NARF: variants seen among roughly 807,000 people sequenced by gnomAD.
NARF encodes the protein iron-only hydrogenase-like protein 2.
A neutral mutation model predicts 48.0 loss-of-function variants in NARF; 41 were observed. The observed-to-expected ratio is 0.85, with a 90% CI of 0.66 to 1.11. The LOEUF (loss-of-function observed/expected upper bound fraction) is 1.11. Ranked by LOEUF, NARF falls within the 50% of genes least tolerant of loss-of-function variation. NARF has a pLI of 0.00. For missense variants in NARF, 613 were observed against 590.2 expected (o/e 1.04, Z -0.40); for synonymous variants, 215 against 225.5 (o/e 0.95, Z 0.42).
At chr17:82,476,297 A>G (rs2043829951) in intron 5 of NARF, among the ~76,000 whole-genome samples, 3 of 151,952 alleles carry the variant, frequency 2.0e-5, no homozygotes, top group Admixed American at 6.6e-5. Context: ...ACTTGCCACC[A>G]TGCCCGGCTA....
At position 82,488,458 on chromosome 17, in the gene NARF, C is replaced by G. The variant is rs2044147272; in HGVS notation, c.*301C>G. On this transcript the variant is annotated 3_prime_UTR_variant, in exon 11 of 11. Transcript: ENST00000309794. ...TGGCGCAATCTCAGCTCACTGCAACCTCTGCCTCCCGGGTTCAAGCGATTC... is the reference window on the plus strand; with the variant it reads ...TGGCGCAATCTCAGCTCACTGCAACGTCTGCCTCCCGGGTTCAAGCGATTC... The G allele has an allele frequency of 3.5e-6, 1 of 283,848 alleles. No individual in the cohort carries two copies. The highest frequency in any genetic ancestry group is 6.7e-6 in the Non-Finnish European group (1 of 149,538). The allele number at this position is 283,848 out of a possible 1,614,324, so 17.6% of individuals were successfully genotyped here.
intron 3 of NARF, among the ~76,000 whole-genome samples, chr17:82,467,187 C>A (rs550345313): frequency 6.6e-6 from 1 of 151,994 alleles, no homozygotes; most frequent in African/African-American, 2.4e-5. Flanking sequence ...TCTGGGATTA[C>A]AGGTGCACAC....
intron 6 of NARF, among the ~76,000 whole-genome samples, chr17:82,479,641 T>G (rs1397891398): frequency 1.3e-5 from 2 of 152,134 alleles, no homozygotes; most frequent in African/African-American, 4.8e-5. Context: ...TACACCTCCC[T>G]CCGGGGAAGC....
Position 82,464,901 on chromosome 17 carries a change from C to G in NARF, c.252+471C>G, listed in dbSNP as rs566785869. On this transcript the variant is annotated intron_variant, in intron 3 of 10. Coordinates refer to ENST00000309794, the MANE Select transcript of NARF (RefSeq NM_012336.4). The stretch of plus-strand genomic sequence containing the variant: ...CCTTCAGCTCATCCCTGCAGACCTC[C>G]TATACAGAACGAGAGGTGCCACTTG... Among the ~76,000 whole-genome samples, 3 of 152,346 alleles carry G rather than the reference C, an allele frequency of 2.0e-5. No homozygotes were observed. The East Asian group carries it at 5.8e-4, about 29-fold the overall frequency.
rs142348233 is a variant in NARF at position 82,479,734 on chromosome 17, C to T, written c.639+816C>T. Among the ~76,000 whole-genome samples the T allele has an allele frequency of 1.6e-4, 25 of 152,324 alleles. No homozygotes were observed. The East Asian group carries it at 4.6e-3, about 28-fold the overall frequency. Reference sequence around the variant, plus strand: ...CATTTGAAGTCAGCCTAAAAAGGCACGCACATTTGGCAGCCTTGTTATTTT... The same window carrying T: ...CATTTGAAGTCAGCCTAAAAAGGCATGCACATTTGGCAGCCTTGTTATTTT... On this transcript the variant is annotated intron_variant, in intron 6 of 10. Transcript: ENST00000309794.
chr17:82,458,755 G>C lies in NARF; in HGVS notation c.-49G>C. 4.1e-6 allele frequency: 6 copies of C among 1,478,372 alleles called. No homozygotes were observed. The highest frequency in any genetic ancestry group is 5.4e-6 in the Non-Finnish European group (6 of 1,120,802). 91.6% of individuals were successfully genotyped at this position (1,478,372 alleles called of 1,614,324 possible). A position where few individuals can be genotyped will look rare whatever the true frequency, so the allele number is the denominator to read the frequency against. ...CGGGCAGTGGTGTCCCAGTCTCCCG[G>C]TGCTTCCCTGAGGCTGAGGCGCCCG... is the stretch of plus-strand genomic sequence containing the variant. On this transcript the variant is annotated 5_prime_UTR_variant, in exon 1 of 11. Coordinates refer to ENST00000309794, the MANE Select transcript of NARF (RefSeq NM_012336.4).
intron 3 of NARF, among the ~76,000 whole-genome samples, chr17:82,467,267 G>A (rs1050986425): frequency 2.6e-5 from 4 of 151,698 alleles, no homozygotes; most frequent in Non-Finnish European, 4.4e-5. Context: ...GGCTGGTCTC[G>A]AGCTCCTGAC....
intron 2 of NARF, chr17:82,462,690 AG>A (rs1260705524): frequency 6.6e-6 from 1 of 152,452 alleles, no homozygotes; most frequent in East Asian, 1.9e-4. Flanking sequence ...GCCTGATAAA[AG>A]GGAACAGGAC....
At position 82,459,995 on chromosome 17, in the gene NARF, TGTA is replaced by T; in HGVS notation, c.35_37del (p.Ser12del). On this transcript the variant is annotated inframe_deletion, in exon 2 of 11. Transcript: ENST00000309794. ...AATGTTCCTTTGCTTTTTTAAGGAA[TGTA>T]GTAAGAAAACAAAAACTGATGACCA... The T allele has an allele frequency of 6.2e-7, 1 of 1,613,160 alleles. No homozygotes were observed. The highest frequency in any genetic ancestry group is 8.5e-7 in the Non-Finnish European group (1 of 1,179,394).
chr17:82,458,528 G>GCTCC (rs1312006571), upstream of NARF: 4 of 400,472 alleles, frequency 1.0e-5, no homozygotes, highest in Non-Finnish European at 1.8e-5. Context: ...GTGAGCCTGC[G>GCTCC]GTCCGCCCCG....
At chr17:82,469,247 G>A (rs973057902) in intron 4 of NARF, among the ~76,000 whole-genome samples, 2 of 152,206 alleles carry the variant, frequency 1.3e-5, no homozygotes, top group African/African-American at 4.8e-5. Flanking sequence ...CAGAGGGTGT[G>A]CATTTGATAA....
chr17:82,485,751 A>G, intron 10 of NARF, 97 bp downstream of exon 10: 1 of 1,430,526 alleles, frequency 7.0e-7, no homozygotes, highest in Non-Finnish European at 9.6e-7. Flanking sequence ...TTGGCCACCC[A>G]GAGCCTCTCT....
intron 9 of NARF, 86 bp downstream of exon 9, chr17:82,485,036 T>G: frequency 5.5e-6 from 8 of 1,442,812 alleles, no homozygotes; most frequent in Non-Finnish European, 7.4e-6. Flanking sequence ...ATGTGGCGGT[T>G]CTATGGATGG....
chr17:82,458,769 C>A lies in NARF; in HGVS notation c.-35C>A. On this transcript the variant is annotated 5_prime_UTR_variant, in exon 1 of 11. The change creates a new upstream start codon in the 5' untranslated region. Coordinates refer to ENST00000309794, the MANE Select transcript of NARF (RefSeq NM_012336.4). ...CCAGTCTCCCGGTGCTTCCCTGAGG[C>A]TGAGGCGCCCGGCCTCCCGCCCGCC... 2.0e-6 allele frequency: 3 copies of A among 1,469,270 alleles called. No individual in the cohort carries two copies. Among genetic ancestry groups the A allele is most frequent in the Admixed American group, 5.3e-5 (2 of 37,704 alleles). The allele number at this position is 1,469,270 out of a possible 1,614,324, so 91.0% of individuals were successfully genotyped here.
At chr17:82,477,729 G>A (rs1248873097) in intron 5 of NARF, 1 of 152,130 alleles carries the variant, frequency 6.6e-6, no homozygotes, top group Non-Finnish European at 1.5e-5. Flanking sequence ...GCCTAGGCTG[G>A]TCTTGAAATC....
In NARF at chr17:82,470,063, C is replaced by T. The variant is rs143096986; in HGVS notation, c.385+1167C>T. On this transcript the variant is annotated intron_variant, in intron 4 of 10. Transcript: ENST00000309794. ...CCTCGACAACATAACAAGATCCTAT[C>T]TCTGCTAAATAAGTACATAAATGTA... is the stretch of plus-strand genomic sequence containing the variant. 4.2e-4 allele frequency among the ~76,000 whole-genome samples: 64 copies of T among 152,274 alleles called. 1 individual carries two copies. In the Middle Eastern group the frequency reaches 0.01, roughly 24 times the overall value.
rs149086254 is a variant in NARF at position 82,478,819 on chromosome 17, G to A, written c.540G>A (p.Glu180=). The A allele has an allele frequency of 6.3e-4, 1,011 of 1,613,902 alleles. 3 individuals are homozygous for A. In the African/African-American group the frequency reaches 0.011, roughly 18 times the overall value. Residue 180 remains glutamate, a synonymous_variant, in exon 6 of 11, where the codon GAG becomes GAA. Coordinates refer to ENST00000309794, the MANE Select transcript of NARF (RefSeq NM_012336.4). The part of the protein sequence containing the change: ...SACPGWVRYA[E]RVLGRPITAH... ...CCCCAGGCTGGGTCCGATACGCCGAGCGGGTGCTGGGTCGCCCCATCACTG... is the reference window on the plus strand; with the variant it reads ...CCCCAGGCTGGGTCCGATACGCCGAACGGGTGCTGGGTCGCCCCATCACTG...
In NARF at chr17:82,481,084, C is replaced by T; in HGVS notation, c.642C>T (p.Asn214=). ...ATATGGGTGCCCCTCTCCCACAGAA[C>T]CTGTCTCCAGAGAAGATTTTCCACG... The part of the protein sequence containing the change: ...LVKDYFARQQ[N]LSPEKIFHVI... Residue 214 remains asparagine (N), a splice_region_variant and synonymous_variant, in exon 7 of 11, where the codon AAC becomes AAT. Coordinates refer to ENST00000309794, the MANE Select transcript of NARF (RefSeq NM_012336.4). 3 of 1,614,104 alleles carry T rather than the reference C, an allele frequency of 1.9e-6. No individual in the cohort carries two copies. Among genetic ancestry groups the T allele is most frequent in the Non-Finnish European group, 2.5e-6 (3 of 1,180,006 alleles).
intron 5 of NARF, 103 bp downstream of exon 5, chr17:82,472,801 C>T: frequency 7.2e-7 from 1 of 1,395,532 alleles, no homozygotes; most frequent in Non-Finnish European, 9.5e-7. Flanking sequence ...ACCCATCCCA[C>T]CCAGCCTTGT....
Sources: allele counts gnomAD v4.1 joint callset (sites outside exome capture counted in the v4.1 genomes callset), GRCh38; gene constraint gnomAD v4.1.1; transcripts MANE v1.5; gene names NCBI Gene and HGNC (gene_info 2026-07-23, HGNC 2026-07-21).